Variants in PRDM10 observed in about 807,000 individuals in gnomAD.
PRDM10 encodes the protein PR/SET domain 10.
Under a neutral mutation model 133.1 loss-of-function variants are expected in PRDM10, and 65 were observed. The ratio of observed to expected loss-of-function variants is 0.49; its 90% CI spans 0.40 to 0.60. The LOEUF (loss-of-function observed/expected upper bound fraction) is 0.60, where lower values mean the gene tolerates loss of function less well. Ranked by LOEUF, PRDM10 falls within the 20% of genes least tolerant of loss-of-function variation. The pLI, the probability that PRDM10 is intolerant of heterozygous loss-of-function variation, is 0.00. For missense variants in PRDM10, 1,137 were observed against 1,507.1 expected, an observed-to-expected ratio of 0.75 and a Z score of 4.07; for synonymous variants, 582 against 580.4, an observed-to-expected ratio of 1.00 and a Z score of -0.04.
rs1014579591 is a variant in PRDM10, at chr11:129,945,455, G to C, written c.521-443C>G. The stretch of plus-strand genomic sequence containing the variant: ...GGGGAGGAACCCTGACAATACTATT[G>C]AATCAATTTTCTCAAAGGGAGTTAC... On this transcript the variant is annotated intron_variant, in intron 5 of 20. Coordinates refer to ENST00000360871, the MANE Select transcript of PRDM10 (RefSeq NM_199437.2). The surrounding 1 kb of genome is among the most constrained non-coding windows in gnomAD (Gnocchi z 4.2). Among the ~76,000 whole-genome samples the C allele has an allele frequency of 1.1e-4, 17 of 152,142 alleles. No homozygotes were observed. Among genetic ancestry groups the C allele is most frequent in the African/African-American group, 1.7e-4 (7 of 41,428 alleles).
At chr11:129,956,273 T>G (rs1483233057) in intron 3 of PRDM10, among the ~76,000 whole-genome samples, 1 of 152,148 alleles carries the variant, frequency 6.6e-6, no homozygotes, top group African/African-American at 2.4e-5. Flanking sequence ...TCTTCTAAAG[T>G]TTTTAAAAAT....
At chr11:129,997,238 G>C (rs1432415747) in intron 1 of PRDM10, among the ~76,000 whole-genome samples, 1 of 152,198 alleles carries the variant, frequency 6.6e-6, no homozygotes, top group Non-Finnish European at 1.5e-5. Context: ...CAGCACTTTG[G>C]GAGGCAGAGA....
At chr11:129,939,079 C>A (rs1367761127) in intron 7 of PRDM10, among the ~76,000 whole-genome samples, 2 of 152,350 alleles carry the variant, frequency 1.3e-5, no homozygotes, top group East Asian at 3.9e-4. Flanking sequence ...CCAACCATCA[C>A]ATCAAAATCG....
intron 11 of PRDM10, among the ~76,000 whole-genome samples, chr11:129,926,972 G>A (rs1292511161): frequency 6.6e-6 from 1 of 152,148 alleles, no homozygotes; most frequent in African/African-American, 2.4e-5. Flanking sequence ...CTGGGAGGCT[G>A]AGGCGGACAG....
At chr11:129,995,435 T>C (rs893148732) in intron 1 of PRDM10, among the ~76,000 whole-genome samples, 3 of 152,160 alleles carry the variant, frequency 2.0e-5, no homozygotes, top group African/African-American at 7.2e-5. Flanking sequence ...TAAACAAGTG[T>C]CTCAGAGAGG....
At chr11:129,908,323 A>C (rs916796922) in intron 19 of PRDM10, among the ~76,000 whole-genome samples, 8 of 152,104 alleles carry the variant, frequency 5.3e-5, no homozygotes, top group Non-Finnish European at 1.2e-4. Context: ...AAGTTCAAAA[A>C]TTAGACTACA....
At chr11:129,953,285 C>CTGTGTGT (rs1951625203) in intron 4 of PRDM10, among the ~76,000 whole-genome samples, 1 of 151,750 alleles carries the variant, frequency 6.6e-6, no homozygotes, top group South Asian at 2.1e-4. Context: ...GCCGTCATTT[C>CTGTGTGT]TGTGTGTTTT....
At position 129,961,059 on chromosome 11, in the gene PRDM10, C is replaced by T. The variant is rs765938096; in HGVS notation, c.-95G>A. ...CTACCACACGTGTGTTCATGAAGGA[C>T]GGAAAGGTCTGTCTGCAGCATGCCT... On this transcript the variant is annotated 5_prime_UTR_variant, in exon 2 of 21. Coordinates refer to ENST00000360871, the MANE Select transcript of PRDM10 (RefSeq NM_199437.2). 37 of 1,107,796 alleles carry T rather than the reference C, an allele frequency of 3.3e-5. No homozygotes were observed. The highest frequency in any genetic ancestry group is 2.4e-4 in the Admixed American group (12 of 49,914). 68.6% of individuals were successfully genotyped at this position (1,107,796 alleles called of 1,614,324 possible). A position where few individuals can be genotyped will look rare whatever the true frequency, so the allele number is the denominator to read the frequency against.
At chr11:129,964,430 G>GA (rs1951864062) in intron 1 of PRDM10, among the ~76,000 whole-genome samples, 1 of 152,206 alleles carries the variant, frequency 6.6e-6, no homozygotes, top group Non-Finnish European at 1.5e-5. Context: ...CCGTTCCTCA[G>GA]AAGCAACCTA....
chr11:129,992,863 T>C (rs1938827646), intron 1 of PRDM10, among the ~76,000 whole-genome samples: 1 of 152,238 alleles, frequency 6.6e-6, no homozygotes, highest in South Asian at 2.1e-4. Context: ...TTATTCACCA[T>C]TGTTCTAGAA....
At chr11:129,973,099 C>G (rs1279993353) in intron 1 of PRDM10, among the ~76,000 whole-genome samples, 1 of 151,978 alleles carries the variant, frequency 6.6e-6, no homozygotes, top group Non-Finnish European at 1.5e-5. Flanking sequence ...TACAAAATAC[C>G]CACTTTGAAA....
chr11:129,902,346 G>A lies in PRDM10; in HGVS notation c.3438C>T (p.Asn1146=), dbSNP rs770160180. 1.7e-5 allele frequency: 28 copies of A among 1,614,034 alleles called. No individual in the cohort carries two copies. Among genetic ancestry groups the A allele is most frequent in the Admixed American group, 1.0e-4 (6 of 60,008 alleles). ...QYIITTTTNG[N]GSSEVHITKP is the part of the protein sequence containing the mutation. Reference sequence around the variant, plus strand: ...TGGTGATATGCACTTCGCTGCTTCCGTTCCCGTTGGTGGTGGTGGTGATGA... The same window carrying A: ...TGGTGATATGCACTTCGCTGCTTCCATTCCCGTTGGTGGTGGTGGTGATGA... The change falls in exon 21 of 21, where the codon AAC becomes AAT. Residue 1146 remains asparagine, a synonymous_variant. Coordinates refer to ENST00000360871, the MANE Select transcript of PRDM10 (RefSeq NM_199437.2).
At chr11:129,908,198 A>G (rs940656947) in intron 19 of PRDM10, among the ~76,000 whole-genome samples, 4 of 151,834 alleles carry the variant, frequency 2.6e-5, no homozygotes, top group Non-Finnish European at 5.9e-5. Flanking sequence ...TCAGCTGACC[A>G]TGGTGGCTTA....
Position 129,912,186 on chromosome 11 carries a change from C to A in PRDM10, c.2881G>T (p.Val961Phe). ...GGCTGAGGATCATGGAGCTGGCCAA[C>A]ATCCACAGTGGACTGCTGTGACTGG... ...PHQSQQSTVD[V>F]GQLHDPQPYP... The change falls in exon 18 of 21, where the codon GTT becomes TTT. Residue 961 changes from valine to phenylalanine, a missense_variant. By Grantham distance (50) the Val-to-Phe change is conservative. This residue lies in a region of PRDM10 where 243 missense variants were observed against 259.2 expected (regional missense o/e 0.94). Coordinates refer to ENST00000360871, the MANE Select transcript of PRDM10 (RefSeq NM_199437.2). 2.5e-6 allele frequency: 4 copies of A among 1,610,150 alleles called. No individual in the cohort carries two copies. Among genetic ancestry groups the A allele is most frequent in the Non-Finnish European group, 3.4e-6 (4 of 1,177,490 alleles).
At chr11:129,933,177 A>G (rs1335689091) in intron 9 of PRDM10, among the ~76,000 whole-genome samples, 2 of 152,212 alleles carry the variant, frequency 1.3e-5, no homozygotes, top group Non-Finnish European at 2.9e-5. Context: ...ATCAAATTTT[A>G]TTCTTCCACT....
At chr11:129,970,545 CTT>C (rs35299145) in intron 1 of PRDM10, among the ~76,000 whole-genome samples, 4 of 143,648 alleles carry the variant, frequency 2.8e-5, no homozygotes, top group Admixed American at 1.4e-4. Context: ...CATACCCAAC[CTT>C]TTTTTTTTTT....
chr11:129,964,962 C>T (rs967074176), intron 1 of PRDM10, among the ~76,000 whole-genome samples: 14 of 152,164 alleles, frequency 9.2e-5, no homozygotes, highest in South Asian at 2.1e-4. Flanking sequence ...ATTTCACAAA[C>T]GAGCCATACA....
intron 1 of PRDM10, among the ~76,000 whole-genome samples, chr11:129,986,016 C>T (rs1938422434): frequency 6.6e-6 from 1 of 151,602 alleles, no homozygotes; most frequent in African/African-American, 2.4e-5. Context: ...GTGTTGGGCT[C>T]GTGGTGGATT....
intron 10 of PRDM10, among the ~76,000 whole-genome samples, chr11:129,931,849 T>A (rs1445155686): frequency 1.3e-5 from 2 of 152,224 alleles, no homozygotes; most frequent in South Asian, 2.1e-4. Flanking sequence ...ATTACAGGCA[T>A]GAGCCACTGC....
Sources: gnomAD v4.1 joint callset for allele counts (sites outside exome capture counted in the v4.1 genomes callset) on GRCh38, gnomAD v4.1.1 for gene constraint, gnomAD v4.1.1 regional missense constraint, Gnocchi (gnomAD v3.1) non-coding constraint, MANE v1.5 for transcripts, NCBI Gene and HGNC (gene_info 2026-07-23, HGNC 2026-07-21) for gene names.